MAST4: variants seen among roughly 807,000 people sequenced by gnomAD.
The protein encoded by MAST4 is microtubule-associated serine/threonine-protein kinase 4.
Under a neutral mutation model 162.7 loss-of-function variants are expected in MAST4, and 89 were observed. The ratio of observed to expected loss-of-function variants is 0.55; its 90% confidence interval spans 0.46 to 0.65. MAST4 has a LOEUF of 0.65. Ranked by LOEUF, MAST4 falls within the 30% of genes least tolerant of loss-of-function variation. The pLI is 0.00. For synonymous variants in MAST4, 1,479 were observed against 1,361.1 expected, an observed-to-expected ratio of 1.09 and a Z score of -1.91; for missense variants, 3,153 against 3,374.0, an observed-to-expected ratio of 0.93 and a Z score of 1.62.
At position 67,164,104 on chromosome 5, in the gene MAST4, C is replaced by T. The variant is rs1773571946; in HGVS notation, c.4925C>T (p.Pro1642Leu). Residue 1642 changes from proline (P) to leucine (L), a missense_variant, in exon 29 of 29, where the codon CCT (proline) becomes CTT (leucine). Coordinates refer to ENST00000403625, the MANE Select transcript of MAST4 (RefSeq NM_001164664.2). This position sits in a 1 kb window ranked among gnomAD's most constrained non-coding sequence, Gnocchi z 5.3. ...GGGDFRRAPA[P>L]GTLQDGLCHS... ...GGGGACTTCAGACGGGCCCCCGCTC[C>T]TGGCACCCTCCAGGATGGTCTCTGC... is the stretch of plus-strand genomic sequence containing the variant. 1.3e-6 allele frequency: 2 copies of T among 1,582,956 alleles called. No homozygotes were observed. The highest frequency in any genetic ancestry group is 2.7e-5 in the African/African-American group (2 of 74,284).
At chr5:66,666,600 T>C (rs1424675185) in intron 1 of MAST4, among the ~76,000 whole-genome samples, 1 of 152,252 alleles carries the variant, frequency 6.6e-6, no homozygotes, top group Non-Finnish European at 1.5e-5. Context: ...AGAAATTGGC[T>C]GGAGTGTCTC....
At chr5:66,938,606 C>A (rs912664724) in intron 4 of MAST4, among the ~76,000 whole-genome samples, 1 of 152,176 alleles carries the variant, frequency 6.6e-6, no homozygotes, top group African/African-American at 2.4e-5. Flanking sequence ...CTGAGATACA[C>A]CAAGTTATAC....
chr5:66,791,368 C>A (rs1054221913), intron 3 of MAST4, among the ~76,000 whole-genome samples: 11 of 152,116 alleles, frequency 7.2e-5, no homozygotes, highest in Admixed American at 3.3e-4. Flanking sequence ...CAGTCACATA[C>A]CAAGAAACAG....
intron 11 of MAST4, among the ~76,000 whole-genome samples, chr5:67,112,680 T>TCCCTGGCTGCACTG (rs1252942688): frequency 8.5e-5 from 13 of 152,114 alleles, no homozygotes; most frequent in Admixed American, 8.5e-4. Context: ...AGTGCAAAGC[T>TCCCTGGCTGCACTG]CCCTGGCTGC....
chr5:66,843,307 ATCC>A (rs1171148168), intron 3 of MAST4, among the ~76,000 whole-genome samples: 1 of 152,188 alleles, frequency 6.6e-6, no homozygotes, highest in East Asian at 1.9e-4. Context: ...TTTTTAAGTC[ATCC>A]ACCACTTTTC....
rs114239568 is a variant in MAST4 at position 66,765,684 on chromosome 5, T to C, written c.517+5822T>C. Among the ~76,000 whole-genome samples the C allele has an allele frequency of 1.9e-3, 295 of 152,296 alleles. 1 individual carries two copies. Among genetic ancestry groups the C allele is most frequent in the African/African-American group, 6.6e-3 (276 of 41,574 alleles). ...TATTTTTAAGTTTCAAAGTAATATGTATTCAATGTAGACAATTTAGAAAAT... is the reference window on the plus strand; with the variant it reads ...TATTTTTAAGTTTCAAAGTAATATGCATTCAATGTAGACAATTTAGAAAAT... On this transcript the variant is annotated intron_variant, in intron 2 of 28. Coordinates refer to ENST00000403625, the MANE Select transcript of MAST4 (RefSeq NM_001164664.2).
intron 4 of MAST4, among the ~76,000 whole-genome samples, chr5:67,039,811 G>A (rs1756496193): frequency 6.6e-6 from 1 of 152,094 alleles, no homozygotes; most frequent in African/African-American, 2.4e-5. Flanking sequence ...GGGAGTTCTT[G>A]GAGGATAGTA....
chr5:67,162,765 G>A lies in MAST4; in HGVS notation c.3944G>A (p.Arg1315His), dbSNP rs753574733. ...LSPRSPTPSY[R>H]STPDFPSGTN... is the part of the protein sequence containing the mutation. The stretch of plus-strand genomic sequence containing the variant: ...CCCCGGTCTCCAACACCAAGCTACC[G>A]CTCCACCCCTGACTTCCCATCTGGT... Residue 1315 changes from arginine (R) to histidine (H), a missense_variant, in exon 28 of 29, where the codon CGC (arginine) becomes CAC (histidine). By Grantham distance (29) the Arg-to-His change is conservative (BLOSUM62 0). This residue lies in a region of MAST4 where 619 missense variants were observed against 744.2 expected (regional missense o/e 0.83). Coordinates refer to ENST00000403625, the MANE Select transcript of MAST4 (RefSeq NM_001164664.2). The A allele has an allele frequency of 1.1e-5, 17 of 1,613,598 alleles. No individual in the cohort carries two copies. Among genetic ancestry groups the A allele is most frequent in the African/African-American group, 4.0e-5 (3 of 74,826 alleles).
At chr5:67,031,303 G>A (rs541567182) in intron 4 of MAST4, among the ~76,000 whole-genome samples, 6 of 152,210 alleles carry the variant, frequency 3.9e-5, no homozygotes, top group Non-Finnish European at 5.9e-5. Context: ...GAGGAGGGTC[G>A]TCTCTTGTCG....
intron 4 of MAST4, among the ~76,000 whole-genome samples, chr5:66,961,271 A>G (rs555668903): frequency 6.6e-6 from 1 of 152,378 alleles, no homozygotes; most frequent in East Asian, 1.9e-4. Flanking sequence ...GATTTAATGT[A>G]TATAAATTTA....
intron 1 of MAST4, among the ~76,000 whole-genome samples, chr5:66,633,690 G>C (rs1744924629): frequency 6.6e-6 from 1 of 152,070 alleles, no homozygotes; most frequent in Non-Finnish European, 1.5e-5. Flanking sequence ...ATTCACTGGG[G>C]GCTAGGTTTG....
At chr5:67,089,457 T>G (rs1763600223) in intron 5 of MAST4, among the ~76,000 whole-genome samples, 1 of 152,214 alleles carries the variant, frequency 6.6e-6, no homozygotes, top group Non-Finnish European at 1.5e-5. Flanking sequence ...CCAGCCTTTG[T>G]GTGGCTGTGG....
intron 3 of MAST4, among the ~76,000 whole-genome samples, chr5:66,826,031 T>C (rs1256032888): frequency 6.6e-6 from 1 of 152,240 alleles, no homozygotes; most frequent in Non-Finnish European, 1.5e-5. Flanking sequence ...ACACATGGCT[T>C]ATCTTGATGA....
rs1447929830 is a variant in MAST4, at chr5:67,163,845, G to A, written c.4666G>A (p.Gly1556Arg). The A allele has an allele frequency of 1.2e-6, 2 of 1,613,788 alleles. No homozygotes were observed. Among genetic ancestry groups the A allele is most frequent in the Non-Finnish European group, 8.5e-7 (1 of 1,179,788 alleles). The change falls in exon 29 of 29, where the codon GGA (glycine) becomes AGA (arginine). Residue 1556 changes from glycine to arginine, a missense_variant. Physicochemically the swap from Gly to Arg is moderately radical, Grantham distance 125. Around this residue, in one of 7 missense-constraint regions of MAST4, gnomAD observed 1,644 missense variants for 1,495.0 expected, o/e 1.10. Transcript: ENST00000403625. This position sits in a 1 kb window ranked among gnomAD's most constrained non-coding sequence, Gnocchi z 7.0. ...ACAGGAATCCCACCAGAAATCCCAT[G>A]GACCCGGGAGTGATTTGGAAAACTT... The part of the protein sequence containing the change: ...EKQESHQKSH[G>R]PGSDLENFAL...
At chr5:67,070,613 C>T (rs1395853978) in intron 5 of MAST4, among the ~76,000 whole-genome samples, 2 of 152,202 alleles carry the variant, frequency 1.3e-5, no homozygotes, top group African/African-American at 4.8e-5. Flanking sequence ...ATACCCATAA[C>T]ATCTGCCACC....
intron 1 of MAST4, among the ~76,000 whole-genome samples, chr5:66,635,944 C>CTTTTTTTTTTTTTT (rs1487534344): frequency 1.1e-5 from 1 of 88,184 alleles, no homozygotes; most frequent in African/African-American, 4.6e-5. Context: ...AAGATAGAGA[C>CTTTTTTTTTTTTTT]TGTTTTTTTT....
chr5:66,769,083 C>T (rs941803051), intron 2 of MAST4, among the ~76,000 whole-genome samples: 1 of 152,112 alleles, frequency 6.6e-6, no homozygotes, highest in African/African-American at 2.4e-5. Flanking sequence ...GCATTGACAG[C>T]CCATTTAAAG....
intron 1 of MAST4, among the ~76,000 whole-genome samples, chr5:66,654,263 ATCC>A (rs1388999510): frequency 1.6e-4 from 25 of 152,210 alleles, no homozygotes; most frequent in African/African-American, 5.3e-4. Flanking sequence ...GTACAGAATA[ATCC>A]TCCTTTAAGC....
chr5:67,087,522 C>A lies in MAST4; in HGVS notation c.764-2640C>A, dbSNP rs147019628. ...TCAGTCAGAGAAACTGTCTCGATTG[C>A]CTTGCCCTACTGTGTTTGGGTTGTT... On this transcript the variant is annotated intron_variant, in intron 5 of 28. Coordinates refer to ENST00000403625, the MANE Select transcript of MAST4 (RefSeq NM_001164664.2). Among the ~76,000 whole-genome samples, 654 of 152,264 alleles carry A rather than the reference C, an allele frequency of 4.3e-3. 5 individuals carry two copies. The highest frequency in any genetic ancestry group is 0.013 in the African/African-American group (560 of 41,536).
Sources: allele counts gnomAD v4.1 joint callset (sites outside exome capture counted in the v4.1 genomes callset), GRCh38; gene constraint gnomAD v4.1.1; regional missense constraint gnomAD v4.1.1; non-coding constraint Gnocchi (gnomAD v3.1); transcripts MANE v1.5; gene names NCBI Gene and HGNC (gene_info 2026-07-23, HGNC 2026-07-21).